Variants in HECW2 observed in about 807,000 individuals in gnomAD.
The protein encoded by HECW2 is E3 ubiquitin-protein ligase HECW2.
In HECW2, 61 loss-of-function variants were observed where a neutral mutation model predicts 175.2. The ratio of observed to expected loss-of-function variants is 0.35; its 90% CI spans 0.28 to 0.43. The LOEUF is 0.43. HECW2 is among the 20% of genes least tolerant of loss of function. HECW2 has a pLI of 1.00. For missense variants in HECW2, 1,524 were observed against 2,000.5 expected (o/e 0.76, Z 4.54); for synonymous variants, 671 against 731.0 (o/e 0.92, Z 1.32).
chr2:196,205,214 A>T (rs1687025312), intron 28 of HECW2, among the ~76,000 whole-genome samples: 1 of 152,208 alleles, frequency 6.6e-6, no homozygotes, highest in Admixed American at 6.5e-5. Context: ...GGAGGGGGAA[A>T]CTGTGTGGAA....
chr2:196,293,739 G>A (rs1349782429), intron 13 of HECW2, among the ~76,000 whole-genome samples: 1 of 152,158 alleles, frequency 6.6e-6, no homozygotes, highest in Non-Finnish European at 1.5e-5. Flanking sequence ...AGAGAGCCCT[G>A]ACATAGCCAG....
chr2:196,207,697 G>A (rs972096156), intron 28 of HECW2, among the ~76,000 whole-genome samples: 3 of 152,192 alleles, frequency 2.0e-5, no homozygotes, highest in East Asian at 1.9e-4. Flanking sequence ...TAAGGTCAAC[G>A]TATATCTCCC....
At chr2:196,535,581 C>T (rs1004712335) in intron 1 of HECW2, among the ~76,000 whole-genome samples, 3 of 152,174 alleles carry the variant, frequency 2.0e-5, no homozygotes, top group Non-Finnish European at 4.4e-5. Context: ...AATCCCTTAT[C>T]CGCTTACCAC....
intron 1 of HECW2, among the ~76,000 whole-genome samples, chr2:196,448,271 C>T (rs1221440624): frequency 6.6e-6 from 1 of 152,140 alleles, no homozygotes; most frequent in African/African-American, 2.4e-5. Flanking sequence ...AAGAGGCCTG[C>T]TTTCCTGGTA....
intron 6 of HECW2, among the ~76,000 whole-genome samples, chr2:196,323,907 TG>T (rs1420046390): frequency 0.014 from 1,411 of 102,362 alleles, 28 homozygotes; most frequent in African/African-American, 0.049. Context: ...GAGTTTTTTT[TG>T]TTTTTTGTTT....
intron 6 of HECW2, among the ~76,000 whole-genome samples, chr2:196,323,908 GTTT>G (rs1227754141): frequency 1.2e-3 from 76 of 63,218 alleles, no homozygotes; most frequent in African/African-American, 5.3e-3. Context: ...AGTTTTTTTT[GTTT>G]TTTGTTTGTT....
At chr2:196,324,949 T>C in intron 6 of HECW2, 31 bp downstream of exon 6, 1 of 1,519,060 alleles carries the variant, frequency 6.6e-7, no homozygotes, top group Non-Finnish European at 8.8e-7. Flanking sequence ...TTCCTCACCA[T>C]CAAGTAGGAG....
intron 14 of HECW2, among the ~76,000 whole-genome samples, chr2:196,280,744 C>T (rs1056180050): frequency 1.3e-5 from 2 of 152,150 alleles, no homozygotes; most frequent in African/African-American, 4.8e-5. Flanking sequence ...CACATTGGTC[C>T]CATTTGGTTT....
chr2:196,366,469 G>T (rs150651493), intron 2 of HECW2, among the ~76,000 whole-genome samples: 2 of 151,978 alleles, frequency 1.3e-5, no homozygotes, highest in African/African-American at 4.8e-5. Flanking sequence ...AGTTATCTAT[G>T]TTTAACAGAT....
intron 5 of HECW2, 21 bp from the exon 6 acceptor site, chr2:196,325,170 G>A (rs966131571): frequency 1.3e-6 from 2 of 1,535,846 alleles, no homozygotes; most frequent in East Asian, 2.4e-5. Flanking sequence ...AGAGGGAGAA[G>A]GAGGGAGGGA....
chr2:196,456,166 C>T (rs140217324), intron 1 of HECW2, among the ~76,000 whole-genome samples: 199 of 152,224 alleles, frequency 1.3e-3, no homozygotes, highest in Non-Finnish European at 2.4e-3. Context: ...CATTTAAGCT[C>T]TTCTTTAAGT....
intron 6 of HECW2, among the ~76,000 whole-genome samples, chr2:196,323,915 G>GTTTTTTTTTTT (rs1160140452): frequency 4.4e-5 from 3 of 68,800 alleles, no homozygotes; most frequent in Non-Finnish European, 9.2e-5. Flanking sequence ...TTTGTTTTTT[G>GTTTTTTTTTTT]TTTGTTTTTT....
rs775554826 is a variant in HECW2 at position 196,319,756 on chromosome 2, G to A, written c.1134C>T (p.Ala378=). ...SNGPVSEDSA[A]DGTPKHSFRT... is the part of the protein sequence containing the mutation. ...TGAATGAATGCTTGGGGGTTCCATC[G>A]GCAGCACTGTCCTCAGAAACTGGCC... Residue 378 remains alanine, a synonymous_variant, in exon 9 of 29, where the codon GCC becomes GCT. Coordinates refer to ENST00000644978, the MANE Select transcript of HECW2 (RefSeq NM_001348768.2). The A allele has an allele frequency of 5.0e-6, 8 of 1,613,982 alleles. No homozygotes were observed. In the Admixed American group the frequency reaches 6.7e-5, roughly 13 times the overall value.
chr2:196,413,682 TTAG>T (rs906105732), intron 2 of HECW2, among the ~76,000 whole-genome samples: 1 of 152,194 alleles, frequency 6.6e-6, no homozygotes, highest in Non-Finnish European at 1.5e-5. Context: ...GATAATATTA[TTAG>T]AAGAGCTCTC....
chr2:196,248,607 C>G (rs904337862), intron 19 of HECW2, among the ~76,000 whole-genome samples: 5 of 142,042 alleles, frequency 3.5e-5, no homozygotes, highest in East Asian at 1.9e-4. Flanking sequence ...GACACACACA[C>G]ACACACACAC....
intron 1 of HECW2, among the ~76,000 whole-genome samples, chr2:196,471,996 A>G (rs1458064618): frequency 6.6e-6 from 1 of 151,982 alleles, no homozygotes; most frequent in African/African-American, 2.4e-5. Context: ...AAAAAAAAGA[A>G]AAGCAAGAGA....
intron 14 of HECW2, among the ~76,000 whole-genome samples, chr2:196,283,457 C>A (rs1413279093): frequency 3.3e-5 from 5 of 150,212 alleles, no homozygotes; most frequent in Admixed American, 3.3e-4. Context: ...CTCCCTGCAA[C>A]CTCTGCCTCC....
At chr2:196,521,842 A>G (rs1688405090) in intron 1 of HECW2, among the ~76,000 whole-genome samples, 1 of 149,640 alleles carries the variant, frequency 6.7e-6, no homozygotes, top group African/African-American at 2.5e-5. Context: ...ATAGTATTCC[A>G]TGGTGTATAT....
At chr2:196,266,894 C>T (rs1030808659) in intron 17 of HECW2, among the ~76,000 whole-genome samples, 1 of 152,186 alleles carries the variant, frequency 6.6e-6, no homozygotes, top group Non-Finnish European at 1.5e-5. Flanking sequence ...ATAGAAGGTT[C>T]AAGTCTGCAT....
Sources: allele counts gnomAD v4.1 joint callset (sites outside exome capture counted in the v4.1 genomes callset), GRCh38; gene constraint gnomAD v4.1.1; transcripts MANE v1.5; gene names NCBI Gene and HGNC (gene_info 2026-07-23, HGNC 2026-07-21).